The following NCALD variants were observed in gnomAD, a reference collection of about 807,000 sequenced individuals.
NCALD encodes the protein neurocalcin delta, also known as neurocalcin-delta.
A neutral mutation model predicts 18.6 loss-of-function variants in NCALD; 10 were observed. The ratio of observed to expected loss-of-function variants is 0.54; its 90% confidence interval spans 0.33 to 0.91. NCALD has a LOEUF of 0.91. Among genes scored for constraint, NCALD ranks in the 40% least tolerant of loss-of-function variants. NCALD has a pLI of 0.03. For missense variants in NCALD, 184 were observed against 247.6 expected, an observed-to-expected ratio of 0.74 and a Z score of 1.72; for synonymous variants, 88 against 87.4, an observed-to-expected ratio of 1.01 and a Z score of -0.04.
intron 2 of NCALD, among the ~76,000 whole-genome samples, chr8:102,012,078 C>T (rs534727362): frequency 1.3e-5 from 2 of 152,222 alleles, no homozygotes; most frequent in Non-Finnish European, 2.9e-5. Context: ...GACATTGCCC[C>T]GAAGGAGTCC....
At chr8:101,888,983 G>T (rs1441282507) in intron 3 of NCALD, among the ~76,000 whole-genome samples, 1 of 151,858 alleles carries the variant, frequency 6.6e-6, no homozygotes, top group African/African-American at 2.4e-5. Flanking sequence ...AATTTGCCAT[G>T]TTATGATTCA....
intron 4 of NCALD, among the ~76,000 whole-genome samples, chr8:101,797,926 AATCTTTT>A (rs1247714773): frequency 6.6e-6 from 1 of 152,150 alleles, no homozygotes; most frequent in African/African-American, 2.4e-5. Context: ...TATAAAAAAA[AATCTTTT>A]ATGTCTTCAA....
At chr8:102,110,723 C>T (rs548869232) in intron 1 of NCALD, among the ~76,000 whole-genome samples, 4 of 152,232 alleles carry the variant, frequency 2.6e-5, no homozygotes, top group Admixed American at 2.6e-4. Flanking sequence ...AATGTTCAAA[C>T]CTTCAATCTA....
chr8:102,040,672 G>A (rs1823021439), intron 1 of NCALD, among the ~76,000 whole-genome samples: 1 of 148,022 alleles, frequency 6.8e-6, no homozygotes, highest in African/African-American at 2.6e-5. Flanking sequence ...AGGATCCTGG[G>A]ATGAGCAGAA....
At chr8:101,968,054 A>T (rs747797101) in intron 2 of NCALD, among the ~76,000 whole-genome samples, 1 of 152,208 alleles carries the variant, frequency 6.6e-6, no homozygotes, top group Non-Finnish European at 1.5e-5. Flanking sequence ...AAGAGGTGTT[A>T]AGCAAATCTG....
chr8:101,957,305 T>TG, intron 2 of NCALD, among the ~76,000 whole-genome samples: 1 of 148,762 alleles, frequency 6.7e-6, no homozygotes, highest in African/African-American at 2.5e-5. Context: ...TTTTTTTTTT[T>TG]TTTTTTTTTA....
chr8:102,112,964 T>C (rs770363559), intron 1 of NCALD, among the ~76,000 whole-genome samples: 19 of 151,538 alleles, frequency 1.3e-4, no homozygotes, highest in Non-Finnish European at 2.5e-4. Flanking sequence ...TTTACAGACA[T>C]CAGAATTATA....
At chr8:101,705,135 G>A (rs1480122027) in intron 2 of NCALD, among the ~76,000 whole-genome samples, 21 of 151,778 alleles carry the variant, frequency 1.4e-4, no homozygotes, top group Admixed American at 9.8e-4. Context: ...GCTGAGGCAG[G>A]AGAATCGCTG....
intron 1 of NCALD, among the ~76,000 whole-genome samples, chr8:101,766,704 G>A (rs1312098263): frequency 6.6e-6 from 1 of 152,168 alleles, no homozygotes; most frequent in African/African-American, 2.4e-5. Context: ...AGCCTCCCGA[G>A]TAGCTGGGAT....
At chr8:101,814,599 T>C (rs914294490) in intron 4 of NCALD, among the ~76,000 whole-genome samples, 1 of 151,992 alleles carries the variant, frequency 6.6e-6, no homozygotes, top group Admixed American at 6.6e-5. Flanking sequence ...CTCTACTCAT[T>C]TGCAACATCA....
At chr8:101,744,325 G>A (rs1810337801) in intron 1 of NCALD, among the ~76,000 whole-genome samples, 1 of 152,070 alleles carries the variant, frequency 6.6e-6, no homozygotes, top group Non-Finnish European at 1.5e-5. Flanking sequence ...TCTTCCCAAA[G>A]CAAATATATT....
At chr8:102,081,576 A>ACCC (rs55666233) in intron 1 of NCALD, among the ~76,000 whole-genome samples, 87 of 63,448 alleles carry the variant, frequency 1.4e-3, no homozygotes, top group Middle Eastern at 9.3e-3. Context: ...AAAAAAAAAA[A>ACCC]CCCCAAAAAA....
At chr8:101,887,457 G>T (rs976823305) in intron 3 of NCALD, among the ~76,000 whole-genome samples, 3 of 152,130 alleles carry the variant, frequency 2.0e-5, no homozygotes, top group Non-Finnish European at 2.9e-5. Context: ...CAAAGAGTAG[G>T]AATCAGCTCT....
intron 1 of NCALD, among the ~76,000 whole-genome samples, chr8:101,755,437 T>G (rs1056036262): frequency 6.6e-6 from 1 of 152,200 alleles, no homozygotes; most frequent in African/African-American, 2.4e-5. Flanking sequence ...TGTCTTTGCC[T>G]AAAGATGGAT....
At chr8:102,016,058 G>A (rs1299580026) in intron 2 of NCALD, among the ~76,000 whole-genome samples, 2 of 152,098 alleles carry the variant, frequency 1.3e-5, no homozygotes, top group Non-Finnish European at 2.9e-5. Flanking sequence ...ACAACTGGTA[G>A]AGAACCAAAA....
chr8:101,710,895 G>A (rs1165631806), intron 2 of NCALD, among the ~76,000 whole-genome samples: 1 of 152,224 alleles, frequency 6.6e-6, no homozygotes, highest in Non-Finnish European at 1.5e-5. Flanking sequence ...CGATCTCCCA[G>A]CACAGTGCTC....
At chr8:101,874,165 T>C (rs1021451537) in intron 4 of NCALD, among the ~76,000 whole-genome samples, 7 of 152,158 alleles carry the variant, frequency 4.6e-5, no homozygotes, top group Non-Finnish European at 8.8e-5. Flanking sequence ...GAGAGGTAAC[T>C]TGGGGTGGGG....
intron 1 of NCALD, among the ~76,000 whole-genome samples, chr8:102,061,491 CA>C (rs1306520632): frequency 6.6e-6 from 1 of 152,138 alleles, no homozygotes; most frequent in African/African-American, 2.4e-5. Context: ...CTGGCCTAGA[CA>C]ACTCCTTCAA....
intron 1 of NCALD, among the ~76,000 whole-genome samples, chr8:102,032,085 T>C (rs1822693222): frequency 6.6e-6 from 1 of 152,182 alleles, no homozygotes; most frequent in South Asian, 2.1e-4. Context: ...TTGATGACCA[T>C]ATGAGCTGAG....
Sources: allele counts gnomAD v4.1 joint callset (sites outside exome capture counted in the v4.1 genomes callset), GRCh38; gene constraint gnomAD v4.1.1; transcripts MANE v1.5; gene names NCBI Gene and HGNC (gene_info 2026-07-23, HGNC 2026-07-21).